The following ANGPT2 variants were observed in gnomAD, a reference collection of about 807,000 sequenced individuals.
The protein encoded by ANGPT2 is angiopoietin-2.
ANGPT2 carries 28 observed loss-of-function variants against 62.9 expected under a neutral mutation model. That is an observed-to-expected ratio of 0.44 (90% CI 0.33 to 0.61). ANGPT2 has a LOEUF of 0.61. Among genes scored for constraint, ANGPT2 ranks in the 20% least tolerant of loss-of-function variants. The probability of loss-of-function intolerance (pLI) is 0.03; values close to 1 mark genes in which losing one functional copy is unlikely to be tolerated. For missense variants in ANGPT2, 727 were observed against 594.9 expected, an observed-to-expected ratio of 1.22 and a Z score of -2.31; for synonymous variants, 284 against 207.8, an observed-to-expected ratio of 1.37 and a Z score of -3.15.
intron 1 of ANGPT2, among the ~76,000 whole-genome samples, chr8:6,536,972 G>GAAAAAA (rs58686747): frequency 9.8e-6 from 1 of 102,284 alleles, no homozygotes; most frequent in Non-Finnish European, 2.0e-5. Flanking sequence ...CTTAGTACAA[G>GAAAAAA]AAAAAAAAAA....
intron 7 of ANGPT2, among the ~76,000 whole-genome samples, chr8:6,510,890 A>G (rs1222047321): frequency 1.3e-5 from 2 of 152,284 alleles, no homozygotes; most frequent in African/African-American, 4.8e-5. Flanking sequence ...ATTTTCCCAC[A>G]TGTTTCAAAA....
At chr8:6,528,985 G>T (rs375663857) in intron 2 of ANGPT2, among the ~76,000 whole-genome samples, 5 of 152,178 alleles carry the variant, frequency 3.3e-5, no homozygotes, top group Non-Finnish European at 7.4e-5. Context: ...TCTTCTTTGA[G>T]TCCAAACATT....
At chr8:6,562,578 T>TTTTTTTTTTTTTA in intron 1 of ANGPT2, 69 bp downstream of exon 1, 19 of 880,180 alleles carry the variant, frequency 2.2e-5, no homozygotes, top group Non-Finnish European at 2.8e-5. Flanking sequence ...TTTTGGTTGT[T>TTTTTTTTTTTTTA]AAAACCTGAG....
At chr8:6,550,388 A>C (rs919483447) in intron 1 of ANGPT2, among the ~76,000 whole-genome samples, 1 of 152,212 alleles carries the variant, frequency 6.6e-6, no homozygotes, top group Non-Finnish European at 1.5e-5. Flanking sequence ...CTGCACCCAG[A>C]CACGTGCGGT....
At position 6,500,675 on chromosome 8, in the gene ANGPT2, T is replaced by A. The variant is rs990484186; in HGVS notation, c.*2426A>T. 4 of 152,240 alleles carry A rather than the reference T, an allele frequency of 2.6e-5. No individual in the cohort carries two copies. Among genetic ancestry groups the A allele is most frequent in the African/African-American group, 9.6e-5 (4 of 41,454 alleles). 9.4% of individuals were successfully genotyped at this position (152,240 alleles called of 1,614,324 possible). A position where few individuals can be genotyped will look rare whatever the true frequency, so the allele number is the denominator to read the frequency against. On this transcript the variant is annotated 3_prime_UTR_variant, in exon 9 of 9. Coordinates refer to ENST00000629816, the MANE Select transcript of ANGPT2 (RefSeq NM_001118887.2). ...GTTGTTTTGTTTTCATTTTTAAGAT[T>A]ACTGTTTGATTTCCTTTCAGCTTTA... is the stretch of plus-strand genomic sequence containing the variant.
At chr8:6,557,707 A>ACT (rs1269088305) in intron 1 of ANGPT2, among the ~76,000 whole-genome samples, 2 of 151,658 alleles carry the variant, frequency 1.3e-5, no homozygotes, top group African/African-American at 4.8e-5. Flanking sequence ...ACACACACAC[A>ACT]CACACACATA....
chr8:6,523,750 G>C (rs1817805635), intron 3 of ANGPT2, among the ~76,000 whole-genome samples: 1 of 152,158 alleles, frequency 6.6e-6, no homozygotes, highest in South Asian at 2.1e-4. Context: ...ACCACGCCCA[G>C]CTAATTTTTT....
intron 2 of ANGPT2, among the ~76,000 whole-genome samples, 199 bp from the exon 3 acceptor site, chr8:6,527,875 T>C (rs998572954): frequency 2.0e-5 from 3 of 151,764 alleles, no homozygotes; most frequent in Admixed American, 6.6e-5. Flanking sequence ...TGTTAAACCT[T>C]TTTACTCTTT....
chr8:6,522,969 T>C (rs751481068), intron 3 of ANGPT2, among the ~76,000 whole-genome samples: 4 of 151,968 alleles, frequency 2.6e-5, no homozygotes, highest in African/African-American at 7.2e-5. Flanking sequence ...TACATAACAG[T>C]TAATATGTGA....
rs566203066 is a variant in ANGPT2 at position 6,541,037 on chromosome 8, G to A, written c.289-8550C>T. On this transcript the variant is annotated intron_variant, in intron 1 of 8. Coordinates refer to ENST00000629816, the MANE Select transcript of ANGPT2 (RefSeq NM_001118887.2). ...GAGCTGTGCTTGCGAGAGTGCCGAG[G>A]AGGCTCTCATGGGTGTCCCGAGGCA... Among the ~76,000 whole-genome samples, 7 of 59,866 alleles carry A rather than the reference G, an allele frequency of 1.2e-4. No individual in the cohort carries two copies. In the South Asian group the frequency reaches 3.7e-3, roughly 32 times the overall value. 39.3% of individuals were successfully genotyped at this position (59,866 alleles called of 152,430 possible).
At chr8:6,503,390 G>C in intron 8 of ANGPT2, 129 bp from the exon 9 acceptor site, 3 of 886,052 alleles carry the variant, frequency 3.4e-6, no homozygotes, top group Non-Finnish European at 1.8e-6. Context: ...AGATGATGGT[G>C]AGTATAGGAT....
intron 3 of ANGPT2, among the ~76,000 whole-genome samples, chr8:6,526,874 C>G (rs546910488): frequency 6.6e-6 from 1 of 152,170 alleles, no homozygotes; most frequent in African/African-American, 2.4e-5. Context: ...CCCACCTATC[C>G]CCTACAATTT....
chr8:6,561,234 C>T (rs1050433571), intron 1 of ANGPT2, among the ~76,000 whole-genome samples: 1 of 152,328 alleles, frequency 6.6e-6, no homozygotes, highest in East Asian at 1.9e-4. Flanking sequence ...TACTGGAGCG[C>T]TTAGCCAGGA....
intron 1 of ANGPT2, among the ~76,000 whole-genome samples, chr8:6,534,821 C>T (rs1820207484): frequency 6.6e-6 from 1 of 152,066 alleles, no homozygotes; most frequent in South Asian, 2.1e-4. Flanking sequence ...TCCTCCCCTG[C>T]CTTTATAAAA....
chr8:6,560,553 C>T (rs191207743), intron 1 of ANGPT2, among the ~76,000 whole-genome samples: 1 of 152,232 alleles, frequency 6.6e-6, no homozygotes, highest in Admixed American at 6.5e-5. Flanking sequence ...CTCAGGTGCA[C>T]GTTGCTGAGA....
chr8:6,514,721 C>T lies in ANGPT2; in HGVS notation c.985G>A (p.Asp329Asn), dbSNP rs1298908128. 3 of 1,614,168 alleles carry T rather than the reference C, an allele frequency of 1.9e-6. No homozygotes were observed. Among genetic ancestry groups the T allele is most frequent in the Admixed American group, 1.7e-5 (1 of 60,022 alleles). ...GGWTIIQRRE[D>N]GSVDFQRTWK... is the part of the protein sequence containing the mutation. ...GTCCTCTGAAAATCAACGCTGCCAT[C>T]CTCACGTCGCTGAATAATTGTCCAC... The change falls in exon 6 of 9, where the codon GAT becomes AAT. Residue 329 changes from aspartate (D) to asparagine (N), a missense_variant. Coordinates refer to ENST00000629816, the MANE Select transcript of ANGPT2 (RefSeq NM_001118887.2).
At position 6,500,016 on chromosome 8, in the gene ANGPT2, A is replaced by T; in HGVS notation, c.*3085T>A. On this transcript the variant is annotated 3_prime_UTR_variant, in exon 9 of 9. Transcript: ENST00000629816. ...AACATAAGGGTGGACTTAAGTTTTTATCCAGTCAAGCACAATTATGCCCAT... is the reference window on the plus strand; with the variant it reads ...AACATAAGGGTGGACTTAAGTTTTTTTCCAGTCAAGCACAATTATGCCCAT... 8.7e-7 allele frequency: 1 copy of T among 1,152,818 alleles called. No individual in the cohort carries two copies. Among genetic ancestry groups the T allele is most frequent in the Non-Finnish European group, 1.3e-6 (1 of 763,246 alleles). 71.4% of individuals were successfully genotyped at this position (1,152,818 alleles called of 1,614,324 possible).
At chr8:6,511,193 G>A (rs1815012183) in intron 7 of ANGPT2, among the ~76,000 whole-genome samples, 2 of 152,052 alleles carry the variant, frequency 1.3e-5, no homozygotes, top group African/African-American at 4.8e-5. Context: ...GTAATTTTAG[G>A]TCCTTTTGTG....
intron 1 of ANGPT2, among the ~76,000 whole-genome samples, chr8:6,537,077 C>T (rs777857830): frequency 2.0e-4 from 30 of 152,146 alleles, no homozygotes; most frequent in East Asian, 1.9e-4. Flanking sequence ...TCATCTGCAC[C>T]GAACTGCTCT....
Sources: gnomAD v4.1 joint callset for allele counts (sites outside exome capture counted in the v4.1 genomes callset) on GRCh38, gnomAD v4.1.1 for gene constraint, MANE v1.5 for transcripts, NCBI Gene and HGNC (gene_info 2026-07-23, HGNC 2026-07-21) for gene names.